PICALM: variants seen among roughly 807,000 people sequenced by gnomAD.
PICALM encodes the protein phosphatidylinositol-binding clathrin assembly protein.
A neutral mutation model predicts 80.5 loss-of-function variants in PICALM; 40 were observed. The ratio of observed to expected loss-of-function variants is 0.50; its 90% CI spans 0.39 to 0.65. The LOEUF (loss-of-function observed/expected upper bound fraction) is 0.65. PICALM is among the 30% of genes least tolerant of loss of function. PICALM has a pLI of 0.00. For synonymous variants in PICALM, 288 were observed against 260.3 expected, an observed-to-expected ratio of 1.11 and a Z score of -1.02; for missense variants, 676 against 778.9, an observed-to-expected ratio of 0.87 and a Z score of 1.57.
Position 85,981,751 on chromosome 11 carries a change from G to C in PICALM, c.1673C>G (p.Thr558Ser). 6.2e-7 allele frequency: 1 copy of C among 1,610,058 alleles called. No homozygotes were observed. The highest frequency in any genetic ancestry group is 8.5e-7 in the Non-Finnish European group (1 of 1,176,394). Reference sequence around the variant, plus strand: ...GTGTATATTAAACACTCACTTCTTAGTGGTTCCATTTCCGATGCCAAGATC... The same window carrying C: ...GTGTATATTAAACACTCACTTCTTACTGGTTCCATTTCCGATGCCAAGATC... ...VGNLGIGNGTTKNDVNWSQPG... is the reference protein window; with the variant it reads ...VGNLGIGNGTSKNDVNWSQPG... The change falls in exon 16 of 20, where the codon ACT becomes AGT. Residue 558 changes from threonine to serine, a missense_variant. By Grantham distance (58) the Thr-to-Ser change is moderately conservative. Around this residue, in one of 2 missense-constraint regions of PICALM, gnomAD observed 391 missense variants for 383.6 expected, o/e 1.02. Transcript: ENST00000393346.
At chr11:86,038,359 G>A (rs2095879954) in intron 1 of PICALM, among the ~76,000 whole-genome samples, 1 of 151,934 alleles carries the variant, frequency 6.6e-6, no homozygotes, top group African/African-American at 2.4e-5. Context: ...AAGAATAAGA[G>A]TTGCATGGTA....
At chr11:86,049,236 T>C (rs574005691) in intron 1 of PICALM, among the ~76,000 whole-genome samples, 143 of 152,256 alleles carry the variant, frequency 9.4e-4, no homozygotes, top group Non-Finnish European at 1.7e-3. Context: ...TGAGCTGAGA[T>C]TGTGCCACTG....
At position 85,978,894 on chromosome 11, in the gene PICALM, T is replaced by C. The variant is rs141563381; in HGVS notation, c.1780-2212A>G. Among the ~76,000 whole-genome samples the C allele has an allele frequency of 3.2e-3, 481 of 152,306 alleles. 3 individuals carry two copies. Among genetic ancestry groups the C allele is most frequent in the African/African-American group, 0.011 (464 of 41,558 alleles). ...TTTAATAGCAGCACTGGTATTTATA[T>C]CATTCCTCATACATCATCAATGTCA... is the stretch of plus-strand genomic sequence containing the variant. On this transcript the variant is annotated intron_variant, in intron 17 of 19. Transcript: ENST00000393346.
At chr11:86,003,654 A>G in intron 8 of PICALM, 1 of 380,980 alleles carries the variant, frequency 2.6e-6, no homozygotes, top group Non-Finnish European at 4.7e-6. Context: ...ATTAAGAAAC[A>G]TTATCAAAAA....
In PICALM at chr11:86,011,061, G is replaced by T; in HGVS notation, c.734C>A (p.Thr245Lys). The change falls in exon 7 of 20, where the codon ACA becomes AAA. Residue 245 changes from threonine (T) to lysine (K), a missense_variant. Coordinates refer to ENST00000393346, the MANE Select transcript of PICALM (RefSeq NM_007166.4). ...DIYKKFLTRM[T>K]RISEFLKVAE... ...AACTTTGAGGAACTCTGAGATTCTT[G>T]TCATCCTAGTTAGGAACTTCTTATA... 1 of 1,550,044 alleles carries T rather than the reference G, an allele frequency of 6.5e-7. No individual in the cohort carries two copies. The highest frequency in any genetic ancestry group is 8.8e-7 in the Non-Finnish European group (1 of 1,130,520).
chr11:86,057,671 A>G (rs2096290563), intron 1 of PICALM, among the ~76,000 whole-genome samples: 1 of 152,230 alleles, frequency 6.6e-6, no homozygotes. Flanking sequence ...AATCGAAAAT[A>G]TACCAAAAAA....
chr11:85,980,948 C>T (rs2094424986), intron 17 of PICALM, among the ~76,000 whole-genome samples, 181 bp downstream of exon 17: 1 of 152,152 alleles, frequency 6.6e-6, no homozygotes, highest in Non-Finnish European at 1.5e-5. Flanking sequence ...TACTTGTTAG[C>T]CACTAAAATG....
At chr11:85,963,666 T>A (rs1199103242) in intron 19 of PICALM, among the ~76,000 whole-genome samples, 1 of 152,200 alleles carries the variant, frequency 6.6e-6, no homozygotes, top group Non-Finnish European at 1.5e-5. Flanking sequence ...CCTCCACTAC[T>A]CTAATCAATC....
intron 1 of PICALM, among the ~76,000 whole-genome samples, chr11:86,058,325 T>C (rs1048404239): frequency 2.0e-5 from 3 of 152,264 alleles, no homozygotes; most frequent in Non-Finnish European, 2.9e-5. Context: ...TAAATTAAAA[T>C]ATGACAATTG....
At chr11:85,984,488 C>T (rs979343004) in intron 13 of PICALM, among the ~76,000 whole-genome samples, 2 of 152,112 alleles carry the variant, frequency 1.3e-5, no homozygotes, top group Non-Finnish European at 2.9e-5. Context: ...AGCTTAAGTT[C>T]AGTGATGGGA....
Position 85,974,823 on chromosome 11 carries a change from GA to G in PICALM, c.1840-12del. 1 of 1,554,276 alleles carries G rather than the reference GA, an allele frequency of 6.4e-7. No individual in the cohort carries two copies. Among genetic ancestry groups the G allele is most frequent in the Non-Finnish European group, 8.9e-7 (1 of 1,125,474 alleles). On this transcript the variant is annotated splice_polypyrimidine_tract_variant and intron_variant, in intron 18 of 19. Transcript: ENST00000393346. ...TCCCATTTGTGGAGGCTAAAAAAGAGAAAAATATCAAAAGATACTGACTCCT... is the reference window on the plus strand; with the variant it reads ...TCCCATTTGTGGAGGCTAAAAAAGAGAAAATATCAAAAGATACTGACTCCT...
At chr11:86,051,013 T>C (rs939811278) in intron 1 of PICALM, among the ~76,000 whole-genome samples, 64 of 152,156 alleles carry the variant, frequency 4.2e-4, no homozygotes, top group African/African-American at 1.5e-3. Context: ...TGTTGCCCAT[T>C]TCCTCCTAAA....
At chr11:85,959,518 A>G (rs2135237083) in intron 19 of PICALM, among the ~76,000 whole-genome samples, 1 of 150,262 alleles carries the variant, frequency 6.7e-6, no homozygotes, top group East Asian at 2.0e-4. Context: ...CTGTAATCCT[A>G]GCTACTCGGG....
intron 12 of PICALM, among the ~76,000 whole-genome samples, chr11:85,993,542 G>A (rs909184551): frequency 1.3e-5 from 2 of 151,802 alleles, no homozygotes; most frequent in Admixed American, 6.6e-5. Context: ...AGGTTCAAGC[G>A]ACTCTCGTGC....
chr11:86,068,688 G>A lies in PICALM; in HGVS notation c.93C>T (p.Thr31=). 6.2e-7 allele frequency: 1 copy of A among 1,613,512 alleles called. No homozygotes were observed. The highest frequency in any genetic ancestry group is 2.2e-5 in the East Asian group (1 of 44,846). ...TTTTCTTGGGCCCCATGATCTCGTGGGTCGTGGCCTTGCATACTGTCTTGG... is the reference window on the plus strand; with the variant it reads ...TTTTCTTGGGCCCCATGATCTCGTGAGTCGTGGCCTTGCATACTGTCTTGG... ...AVSKTVCKAT[T]HEIMGPKKKH... The change falls in exon 1 of 20, where the codon ACC becomes ACT. Residue 31 remains threonine (T), a synonymous_variant. Coordinates refer to ENST00000393346, the MANE Select transcript of PICALM (RefSeq NM_007166.4).
intron 4 of PICALM, among the ~76,000 whole-genome samples, chr11:86,020,776 T>C (rs942721313): frequency 2.0e-5 from 3 of 152,154 alleles, no homozygotes; most frequent in African/African-American, 4.8e-5. Flanking sequence ...AAATACAAGA[T>C]TCTTAGAATA....
At chr11:86,022,557 C>A in intron 3 of PICALM, 88 bp from the exon 4 acceptor site, 1 of 641,726 alleles carries the variant, frequency 1.6e-6, no homozygotes, top group Non-Finnish European at 2.7e-6. Context: ...AGAAAAACAA[C>A]TCATTGCATC....
intron 13 of PICALM, among the ~76,000 whole-genome samples, chr11:85,987,280 G>A (rs2094601746): frequency 1.3e-5 from 2 of 152,096 alleles, no homozygotes; most frequent in Non-Finnish European, 2.9e-5. Flanking sequence ...ATGTACCCAA[G>A]GTCAAAGATT....
intron 19 of PICALM, among the ~76,000 whole-genome samples, chr11:85,965,913 T>C (rs1218258366): frequency 6.9e-6 from 1 of 145,264 alleles, no homozygotes; most frequent in Admixed American, 7.0e-5. Flanking sequence ...GCCTCCCAGG[T>C]TTCAGCAATT....
Sources: allele counts gnomAD v4.1 joint callset (sites outside exome capture counted in the v4.1 genomes callset), GRCh38; gene constraint gnomAD v4.1.1; regional missense constraint gnomAD v4.1.1; transcripts MANE v1.5; gene names NCBI Gene and HGNC (gene_info 2026-07-23, HGNC 2026-07-21).